The following TLCD4 variants were observed in gnomAD, a reference collection of about 807,000 sequenced individuals.
TLCD4 encodes the protein TLC domain containing 4.
Under a neutral mutation model 24.2 loss-of-function variants are expected in TLCD4, and 7 were observed. That is an observed-to-expected ratio of 0.29 (90% CI 0.16 to 0.54). The LOEUF (loss-of-function observed/expected upper bound fraction) is 0.54. TLCD4 is among the 20% of genes least tolerant of loss of function. The pLI is 0.95. For missense variants in TLCD4, 259 were observed against 313.9 expected, an observed-to-expected ratio of 0.82 and a Z score of 1.32; for synonymous variants, 103 against 106.4, an observed-to-expected ratio of 0.97 and a Z score of 0.20.
chr1:95,139,705 C>T (rs1194410469), intron 1 of TLCD4, among the ~76,000 whole-genome samples: 1 of 151,998 alleles, frequency 6.6e-6, no homozygotes, highest in East Asian at 1.9e-4. Context: ...GGTGATCCAC[C>T]AGCCTCGGCC....
Position 95,191,638 on chromosome 1 carries a change from C to T in TLCD4, c.562C>T (p.Arg188Trp), listed in dbSNP as rs1309246473. Reference sequence around the variant, plus strand: ...CATGACAGTAGTATTCTTCATCGTGCGGATTGCCTCAATGCTTCCTCATTA... The same window carrying T: ...CATGACAGTAGTATTCTTCATCGTGTGGATTGCCTCAATGCTTCCTCATTA... The part of the protein sequence containing the change: ...ILMTVVFFIV[R>W]IASMLPHYGF... The change falls in exon 7 of 7, where the codon CGG (arginine) becomes TGG (tryptophan). Residue 188 changes from arginine (R) to tryptophan (W), a missense_variant. Coordinates refer to ENST00000370203, the MANE Select transcript of TLCD4 (RefSeq NM_152487.3). 11 of 1,614,144 alleles carry T rather than the reference C, an allele frequency of 6.8e-6. No homozygotes were observed. The highest frequency in any genetic ancestry group is 1.7e-5 in the Admixed American group (1 of 60,028).
intron 5 of TLCD4, among the ~76,000 whole-genome samples, chr1:95,166,674 A>C (rs1553171308): frequency 6.6e-6 from 1 of 152,156 alleles, no homozygotes; most frequent in Non-Finnish European, 1.5e-5. Flanking sequence ...GATTGCACCT[A>C]GGCAGGAAGG....
upstream of TLCD4, among the ~76,000 whole-genome samples, chr1:95,116,198 C>A (rs762449247): frequency 4.6e-5 from 7 of 152,188 alleles, no homozygotes; most frequent in Non-Finnish European, 7.4e-5. Context: ...TCCAGGTCTT[C>A]AGAGTCACTA....
intron 1 of TLCD4, among the ~76,000 whole-genome samples, chr1:95,123,377 A>G (rs1167455207): frequency 7.9e-5 from 12 of 152,250 alleles, no homozygotes; most frequent in Non-Finnish European, 1.8e-4. Flanking sequence ...GGGTGAGGCC[A>G]AGAGGAAGGC....
chr1:95,127,979 C>T (rs977972709), intron 1 of TLCD4, among the ~76,000 whole-genome samples: 2 of 152,130 alleles, frequency 1.3e-5, no homozygotes, highest in African/African-American at 4.8e-5. Flanking sequence ...TTAAGTGAGT[C>T]TGTAGTCCCA....
chr1:95,190,609 G>T lies in TLCD4; in HGVS notation c.474-941G>T, dbSNP rs12740399. 7.7e-4 allele frequency among the ~76,000 whole-genome samples: 117 copies of T among 151,872 alleles called. 1 individual carries two copies. In the East Asian group the frequency reaches 8.0e-3, roughly 10 times the overall value. Reference sequence around the variant, plus strand: ...CCCAAAGTGCTGGGATTACAGGGGTGAGCCACTGCGCCTGGCTGGCCAGGC... The same window carrying T: ...CCCAAAGTGCTGGGATTACAGGGGTTAGCCACTGCGCCTGGCTGGCCAGGC... On this transcript the variant is annotated intron_variant, in intron 6 of 6. Transcript: ENST00000370203.
upstream of TLCD4, among the ~76,000 whole-genome samples, chr1:95,115,508 T>G (rs1676413018): frequency 6.6e-6 from 1 of 152,208 alleles, no homozygotes; most frequent in Admixed American, 6.5e-5. Flanking sequence ...GAGTTTTAAT[T>G]AGCTTAAAAC....
At chr1:95,187,262 A>ACTT (rs1425217310) in intron 6 of TLCD4, among the ~76,000 whole-genome samples, 1 of 152,158 alleles carries the variant, frequency 6.6e-6, no homozygotes, top group Non-Finnish European at 1.5e-5. Context: ...GCCAGTGTTA[A>ACTT]TATCTTATTG....
intron 1 of TLCD4, among the ~76,000 whole-genome samples, chr1:95,124,241 G>T (rs1676650367): frequency 6.6e-6 from 1 of 152,216 alleles, no homozygotes; most frequent in Non-Finnish European, 1.5e-5. Context: ...AGTGAGGCTG[G>T]TTAGTGTATT....
chr1:95,143,960 A>G lies in TLCD4; in HGVS notation c.59A>G (p.Gln20Arg), dbSNP rs1412823123. ...SVTCISFFTF[Q>R]LLFYFVSYWF... ...ACCTGTATCAGCTTTTTCACCTTTC[A>G]GCTTCTTTTCTACTTTGTAAGTTAC... The change falls in exon 2 of 7, where the codon CAG (glutamine) becomes CGG (arginine). Residue 20 changes from glutamine to arginine, a missense_variant. Transcript: ENST00000370203. 1 of 1,573,632 alleles carries G rather than the reference A, an allele frequency of 6.4e-7. No homozygotes were observed. The highest frequency in any genetic ancestry group is 8.6e-7 in the Non-Finnish European group (1 of 1,161,066).
chr1:95,133,217 C>T (rs542630295), intron 1 of TLCD4, among the ~76,000 whole-genome samples: 4 of 152,192 alleles, frequency 2.6e-5, no homozygotes, highest in African/African-American at 7.2e-5. Flanking sequence ...TGTTCCCGTT[C>T]CTGTGTCCAT....
chr1:95,146,317 ATTAC>A (rs1240705271), intron 2 of TLCD4, among the ~76,000 whole-genome samples: 4 of 152,136 alleles, frequency 2.6e-5, no homozygotes, highest in Non-Finnish European at 4.4e-5. Flanking sequence ...AATTTTCTTA[ATTAC>A]TTATATTCAC....
In TLCD4 at chr1:95,158,161, A is replaced by G. The variant is rs78779696; in HGVS notation, c.399+6742A>G. Among the ~76,000 whole-genome samples, 23 of 150,174 alleles carry G rather than the reference A, an allele frequency of 1.5e-4. No homozygotes were observed. In the East Asian group the frequency reaches 3.3e-3, roughly 22 times the overall value. ...TTTAAGTATTCTTATTTCTGGTCCT[A>G]TAGCACCCCTTGATACTTAATTTTT... On this transcript the variant is annotated intron_variant, in intron 5 of 6. Transcript: ENST00000370203.
intron 6 of TLCD4, among the ~76,000 whole-genome samples, chr1:95,186,637 A>T (rs1368638574): frequency 4.6e-5 from 7 of 152,244 alleles, no homozygotes; most frequent in African/African-American, 1.7e-4. Context: ...ATGTAGTCAA[A>T]GAAATGAATG....
At chr1:95,190,478 G>A (rs1043751890) in intron 6 of TLCD4, among the ~76,000 whole-genome samples, 11 of 152,050 alleles carry the variant, frequency 7.2e-5, no homozygotes, top group South Asian at 2.1e-4. Flanking sequence ...ACAGGTGCCC[G>A]CCGCCATGCC....
chr1:95,175,143 C>T (rs762179034), intron 6 of TLCD4, among the ~76,000 whole-genome samples: 9 of 152,212 alleles, frequency 5.9e-5, no homozygotes, highest in African/African-American at 9.6e-5. Flanking sequence ...TGCAACAGAC[C>T]GTTAGAACTT....
chr1:95,144,190 GA>G (rs1677288536), intron 2 of TLCD4, 134 bp downstream of exon 2: 1 of 1,120,260 alleles, frequency 8.9e-7, no homozygotes. Flanking sequence ...GAAATAAAAG[GA>G]AAAACAAGTA....
rs1173369453 is a variant in TLCD4, at chr1:95,194,427, T to C, written c.*2559T>C. ...AAAATACAAATGAAGACAGAACATA[T>C]CATTTACTGCACGATGAATTTTTCA... On this transcript the variant is annotated 3_prime_UTR_variant, in exon 7 of 7. Transcript: ENST00000370203. The C allele has an allele frequency of 1.3e-5, 2 of 151,724 alleles. No individual in the cohort carries two copies. Among genetic ancestry groups the C allele is most frequent in the Non-Finnish European group, 2.9e-5 (2 of 67,964 alleles). 9.4% of individuals were successfully genotyped at this position (151,724 alleles called of 1,614,324 possible).
chr1:95,150,309 C>G, intron 4 of TLCD4, 43 bp downstream of exon 4: 1 of 1,597,256 alleles, frequency 6.3e-7, no homozygotes, highest in Non-Finnish European at 8.5e-7. Context: ...TTGTAAACTA[C>G]TCACGGAATT....
Sources: gnomAD v4.1 joint callset for allele counts (sites outside exome capture counted in the v4.1 genomes callset) on GRCh38, gnomAD v4.1.1 for gene constraint, MANE v1.5 for transcripts, NCBI Gene and HGNC (gene_info 2026-07-23, HGNC 2026-07-21) for gene names.